The following TDRD1 variants were observed in gnomAD, a reference collection of about 807,000 sequenced individuals.
The protein encoded by TDRD1 is tudor domain-containing protein 1.
In TDRD1, 37 loss-of-function variants were observed where a neutral mutation model predicts 140.6. The ratio of observed to expected loss-of-function variants is 0.26; its 90% CI spans 0.20 to 0.35. The LOEUF (loss-of-function observed/expected upper bound fraction) is 0.35. Ranked by LOEUF, TDRD1 falls within the 10% of genes least tolerant of loss-of-function variation. The pLI, the probability that TDRD1 is intolerant of heterozygous loss-of-function variation, is 1.00. For missense variants in TDRD1, 1,243 were observed against 1,393.0 expected (o/e 0.89, Z 1.71); for synonymous variants, 506 against 475.7 (o/e 1.06, Z -0.83).
upstream of TDRD1, among the ~76,000 whole-genome samples, chr10:114,178,156 C>T (rs1247477135): frequency 2.6e-5 from 4 of 152,100 alleles, no homozygotes; most frequent in African/African-American, 7.2e-5. Flanking sequence ...ACTTTCATTT[C>T]ACTATTCTGT....
chr10:114,198,917 C>A (rs2034550137), intron 3 of TDRD1, among the ~76,000 whole-genome samples: 2 of 152,108 alleles, frequency 1.3e-5, no homozygotes, highest in South Asian at 4.1e-4. Context: ...ATATATGAGG[C>A]AAAAAGAAAA....
intron 4 of TDRD1, among the ~76,000 whole-genome samples, chr10:114,200,789 A>G (rs1187606813): frequency 1.3e-5 from 2 of 150,834 alleles, no homozygotes; most frequent in South Asian, 2.1e-4. Context: ...TGGTCTCCCA[A>G]AGTGCTGGGA....
intron 2 of TDRD1, among the ~76,000 whole-genome samples, chr10:114,189,815 A>G (rs1345224865): frequency 6.6e-6 from 1 of 152,246 alleles, no homozygotes; most frequent in Non-Finnish European, 1.5e-5. Flanking sequence ...GAAATGCTGC[A>G]TATAACTCAA....
At position 114,212,030 on chromosome 10, in the gene TDRD1, C is replaced by G. The variant is rs1271154143; in HGVS notation, c.1825C>G (p.Leu609Val). 6.3e-6 allele frequency: 10 copies of G among 1,597,916 alleles called. No individual in the cohort carries two copies. In the Admixed American group the frequency reaches 1.5e-4, roughly 23 times the overall value. ...GCCAATGCAAGCTATAAAGTGTGTA[C>G]TAGCAGGTATGAAATTTTTATAGCC... is the stretch of plus-strand genomic sequence containing the variant. Residue 609 changes from leucine (L) to valine (V), a missense_variant, in exon 14 of 26, where the codon CTA becomes GTA. Around this residue, in one of 5 missense-constraint regions of TDRD1, gnomAD observed 601 missense variants for 734.7 expected, o/e 0.82. Transcript: ENST00000251864.
At chr10:114,196,502 A>G (rs2034359392) in intron 3 of TDRD1, among the ~76,000 whole-genome samples, 1 of 152,158 alleles carries the variant, frequency 6.6e-6, no homozygotes. Flanking sequence ...CTAATGAGAA[A>G]TCTGTCTTTT....
chr10:114,206,196 C>G (rs755348762), intron 10 of TDRD1, 48 bp from the exon 11 acceptor site: 2 of 1,356,326 alleles, frequency 1.5e-6, no homozygotes, highest in Admixed American at 1.7e-5. Flanking sequence ...TCCCATAATT[C>G]TTTGTATAGT....
chr10:114,202,410 T>C, intron 6 of TDRD1, 112 bp downstream of exon 6: 1 of 674,868 alleles, frequency 1.5e-6, no homozygotes, highest in Non-Finnish European at 2.3e-6. Flanking sequence ...AAGGCAAGTT[T>C]CCTATTATAT....
intron 16 of TDRD1, among the ~76,000 whole-genome samples, chr10:114,214,602 A>C (rs1387726083): frequency 6.6e-6 from 1 of 152,242 alleles, no homozygotes; most frequent in Admixed American, 6.5e-5. Context: ...ACATGTGTAT[A>C]TAGGAGTACA....
chr10:114,194,946 T>G (rs975167571), intron 3 of TDRD1, among the ~76,000 whole-genome samples: 1 of 149,396 alleles, frequency 6.7e-6, no homozygotes, highest in African/African-American at 2.5e-5. Context: ...TTTCTGTAGA[T>G]ATGGGGGTCT....
intron 12 of TDRD1, 29 bp downstream of exon 12, chr10:114,210,777 G>A (rs755233633): frequency 1.5e-5 from 24 of 1,610,000 alleles, no homozygotes; most frequent in Non-Finnish European, 2.0e-5. Flanking sequence ...TTTGCTCTAT[G>A]AAGCTAAAAT....
chr10:114,189,280 CTT>C (rs1283145936), intron 2 of TDRD1, among the ~76,000 whole-genome samples: 4 of 152,168 alleles, frequency 2.6e-5, no homozygotes, highest in African/African-American at 9.7e-5. Flanking sequence ...TTACTCCTGA[CTT>C]TTACCTTCTG....
chr10:114,212,161 C>A, intron 14 of TDRD1, 125 bp downstream of exon 14: 2 of 811,524 alleles, frequency 2.5e-6, no homozygotes, highest in Admixed American at 3.7e-5. Flanking sequence ...TTAAAAGTTA[C>A]TATAAATGTC....
intron 25 of TDRD1, among the ~76,000 whole-genome samples, chr10:114,229,341 C>T (rs2036620956): frequency 1.3e-5 from 2 of 152,172 alleles, no homozygotes; most frequent in Non-Finnish European, 2.9e-5. Context: ...TGTGTTAAAA[C>T]ATATCTTTCA....
chr10:114,215,916 A>G (rs186569276), intron 16 of TDRD1, among the ~76,000 whole-genome samples: 12 of 152,338 alleles, frequency 7.9e-5, no homozygotes, highest in African/African-American at 2.9e-4. Context: ...GTATGAGTAT[A>G]TATAATCCTT....
intron 2 of TDRD1, among the ~76,000 whole-genome samples, chr10:114,189,318 G>C (rs1037614841): frequency 6.6e-6 from 1 of 152,148 alleles, no homozygotes; most frequent in Non-Finnish European, 1.5e-5. Context: ...GTGTGCAATT[G>C]AGTTGTAAGC....
At chr10:114,207,682 C>A (rs1012537575) in intron 11 of TDRD1, among the ~76,000 whole-genome samples, 1 of 151,772 alleles carries the variant, frequency 6.6e-6, no homozygotes, top group Non-Finnish European at 1.5e-5. Context: ...CTGGGGCCTG[C>A]AACATGGAGT....
Position 114,213,599 on chromosome 10 carries a change from T to C in TDRD1, c.2074+11T>C. 1 of 1,612,102 alleles carries C rather than the reference T, an allele frequency of 6.2e-7. No individual in the cohort carries two copies. Among genetic ancestry groups the C allele is most frequent in the Non-Finnish European group, 8.5e-7 (1 of 1,178,410 alleles). On this transcript the variant is annotated intron_variant, in intron 15 of 25. Transcript: ENST00000251864. ...TGAAAGAAACCAGTGGTAAGTCAAA[T>C]GTTTACTGGATAATGCCTGTTCTGG... is the stretch of plus-strand genomic sequence containing the variant.
chr10:114,215,567 T>C (rs563347815), intron 16 of TDRD1, among the ~76,000 whole-genome samples: 5 of 152,192 alleles, frequency 3.3e-5, no homozygotes, highest in Non-Finnish European at 7.3e-5. Context: ...ATGAGCATCA[T>C]TGATCTTAAG....
intron 3 of TDRD1, among the ~76,000 whole-genome samples, chr10:114,197,950 C>T (rs771132993): frequency 8.5e-5 from 13 of 152,180 alleles, no homozygotes; most frequent in African/African-American, 3.1e-4. Context: ...GCCACCACAC[C>T]CAGTCTCTGT....
Sources: gnomAD v4.1 joint callset for allele counts (sites outside exome capture counted in the v4.1 genomes callset) on GRCh38, gnomAD v4.1.1 for gene constraint, gnomAD v4.1.1 regional missense constraint, MANE v1.5 for transcripts, NCBI Gene and HGNC (gene_info 2026-07-23, HGNC 2026-07-21) for gene names.